KIF16B: variants seen among roughly 807,000 people sequenced by gnomAD.
KIF16B encodes the protein kinesin-like protein KIF16B.
A neutral mutation model predicts 156.3 loss-of-function variants in KIF16B; 98 were observed. The observed-to-expected ratio is 0.63, with a 90% CI of 0.53 to 0.74. The LOEUF is 0.74. Ranked by LOEUF, KIF16B falls within the 30% of genes least tolerant of loss-of-function variation. The pLI, the probability that KIF16B is intolerant of heterozygous loss-of-function variation, is 0.00. For synonymous variants in KIF16B, 564 were observed against 583.7 expected (o/e 0.97, Z 0.49); for missense variants, 1,421 against 1,606.5 (o/e 0.88, Z 1.97).
intron 1 of KIF16B, among the ~76,000 whole-genome samples, chr20:16,572,700 G>C (rs2071499648): frequency 6.6e-6 from 1 of 152,166 alleles, no homozygotes; most frequent in Non-Finnish European, 1.5e-5. Context: ...CTTTTTTCTA[G>C]GAGTCAGGAC....
At chr20:16,470,834 A>G (rs1245031147) in intron 12 of KIF16B, among the ~76,000 whole-genome samples, 1 of 144,586 alleles carries the variant, frequency 6.9e-6, no homozygotes, top group East Asian at 2.0e-4. Context: ...CTGTTCTAAA[A>G]ATAAGATTGA....
chr20:16,557,959 G>A (rs1205810155), intron 1 of KIF16B, among the ~76,000 whole-genome samples: 1 of 152,148 alleles, frequency 6.6e-6, no homozygotes, highest in African/African-American at 2.4e-5. Flanking sequence ...CTATAAACCA[G>A]TAAGTAAGGA....
At chr20:16,502,396 A>G (rs910371993) in intron 10 of KIF16B, among the ~76,000 whole-genome samples, 2 of 152,214 alleles carry the variant, frequency 1.3e-5, no homozygotes, top group African/African-American at 4.8e-5. Flanking sequence ...GGATAAGCCT[A>G]TATTGTCTCA....
intron 12 of KIF16B, among the ~76,000 whole-genome samples, chr20:16,468,076 T>C (rs376762191): frequency 6.6e-6 from 1 of 152,150 alleles, no homozygotes; most frequent in East Asian, 1.9e-4. Flanking sequence ...TGAAAAGACA[T>C]ACATTTTCAG....
chr20:16,565,558 T>C (rs1284274454), intron 1 of KIF16B, among the ~76,000 whole-genome samples: 2 of 152,202 alleles, frequency 1.3e-5, no homozygotes, highest in African/African-American at 4.8e-5. Context: ...GCTAGCCCAC[T>C]GAAGAGCTCC....
chr20:16,314,480 C>A (rs1399763280), intron 24 of KIF16B, among the ~76,000 whole-genome samples: 3 of 152,128 alleles, frequency 2.0e-5, no homozygotes, highest in African/African-American at 7.2e-5. Context: ...TGTTTCTCAC[C>A]AATGTTTAGT....
intron 17 of KIF16B, among the ~76,000 whole-genome samples, chr20:16,399,111 T>C (rs4813219): frequency 0.98 from 149,183 of 152,262 alleles, 73,099 homozygotes; most frequent in East Asian, 1. Context: ...TAAAACTGGT[T>C]CTGGAGAGGT....
At chr20:16,409,410 A>T (rs2065865517) in intron 15 of KIF16B, among the ~76,000 whole-genome samples, 1 of 152,024 alleles carries the variant, frequency 6.6e-6, no homozygotes, top group African/African-American at 2.4e-5. Context: ...ATGTTTCAGG[A>T]TGTAAAGGAT....
At chr20:16,464,623 C>T (rs1449233386) in intron 12 of KIF16B, among the ~76,000 whole-genome samples, 1 of 152,136 alleles carries the variant, frequency 6.6e-6, no homozygotes, top group Admixed American at 6.6e-5. Flanking sequence ...TTGCAAAATT[C>T]CTATAGCAAA....
chr20:16,464,404 C>A lies in KIF16B; in HGVS notation c.1302+29887G>T, dbSNP rs559812944. ...AATTTCTGACAGTTTAAAAAACAGA[C>A]CCTTAATGTATTTTTAACATTGGTG... is the stretch of plus-strand genomic sequence containing the variant. On this transcript the variant is annotated intron_variant, in intron 12 of 25. Transcript: ENST00000354981. Among the ~76,000 whole-genome samples, 5 of 152,178 alleles carry A rather than the reference C, an allele frequency of 3.3e-5. No homozygotes were observed. The East Asian group carries it at 7.7e-4, about 23-fold the overall frequency.
chr20:16,479,784 T>C (rs974275535), intron 12 of KIF16B, among the ~76,000 whole-genome samples: 7 of 152,194 alleles, frequency 4.6e-5, no homozygotes, highest in South Asian at 2.1e-4. Context: ...CCTAGGTGTA[T>C]AGCAGGCCAT....
intron 1 of KIF16B, among the ~76,000 whole-genome samples, chr20:16,562,511 T>G (rs1300635333): frequency 6.6e-6 from 1 of 152,152 alleles, no homozygotes; most frequent in Non-Finnish European, 1.5e-5. Context: ...ACAAACGCCG[T>G]GACTACGGAT....
intron 15 of KIF16B, among the ~76,000 whole-genome samples, chr20:16,426,763 T>C (rs1008176631): frequency 2.6e-5 from 4 of 152,038 alleles, no homozygotes; most frequent in Admixed American, 6.6e-5. Flanking sequence ...AAGATGAATA[T>C]AAATAATAGA....
intron 23 of KIF16B, among the ~76,000 whole-genome samples, chr20:16,346,340 A>C (rs1229814886): frequency 6.6e-6 from 1 of 152,218 alleles, no homozygotes; most frequent in African/African-American, 2.4e-5. Context: ...TCCTGAAAGC[A>C]GGGGAGCCGC....
At position 16,426,049 on chromosome 20, in the gene KIF16B, C is replaced by T. The variant is rs533532092; in HGVS notation, c.1612+1055G>A. Among the ~76,000 whole-genome samples, 25 of 152,188 alleles carry T rather than the reference C, an allele frequency of 1.6e-4. No homozygotes were observed. The South Asian group carries it at 3.9e-3, about 24-fold the overall frequency. On this transcript the variant is annotated intron_variant, in intron 15 of 25. Coordinates refer to ENST00000354981, the MANE Select transcript of KIF16B (RefSeq NM_024704.5). ...TCTCACAAGAACTCACTCACTATCACGAGAACAGCAAGGGGGAAATCCACC... is the reference window on the plus strand; with the variant it reads ...TCTCACAAGAACTCACTCACTATCATGAGAACAGCAAGGGGGAAATCCACC...
intron 3 of KIF16B, among the ~76,000 whole-genome samples, chr20:16,524,600 T>C (rs557114059): frequency 3.3e-5 from 5 of 152,168 alleles, no homozygotes; most frequent in African/African-American, 4.8e-5. Flanking sequence ...ATTTCAACCA[T>C]TGTGGAAGAC....
At chr20:16,523,774 G>C (rs939509567) in intron 3 of KIF16B, among the ~76,000 whole-genome samples, 1 of 152,096 alleles carries the variant, frequency 6.6e-6, no homozygotes, top group Non-Finnish European at 1.5e-5. Flanking sequence ...CACACTACCT[G>C]ACTTCAAACT....
At chr20:16,464,256 T>C (rs534780575) in intron 12 of KIF16B, among the ~76,000 whole-genome samples, 1 of 152,192 alleles carries the variant, frequency 6.6e-6, no homozygotes, top group Non-Finnish European at 1.5e-5. Context: ...TTTATTTGCA[T>C]GATTTAATTG....
intron 1 of KIF16B, among the ~76,000 whole-genome samples, chr20:16,531,102 CA>C (rs1382439471): frequency 6.6e-6 from 1 of 152,162 alleles, no homozygotes; most frequent in Admixed American, 6.5e-5. Context: ...AACCAACCTG[CA>C]TAAGTTCCTG....
Sources: allele counts gnomAD v4.1 joint callset (sites outside exome capture counted in the v4.1 genomes callset), GRCh38; gene constraint gnomAD v4.1.1; transcripts MANE v1.5; gene names NCBI Gene and HGNC (gene_info 2026-07-23, HGNC 2026-07-21).